Variants in RERE observed in about 807,000 individuals in gnomAD.
RERE encodes the protein arginine-glutamic acid dipeptide repeats protein.
Under a neutral mutation model 146.1 loss-of-function variants are expected in RERE, and 40 were observed. That is an observed-to-expected ratio of 0.27 (90% CI 0.21 to 0.36). The LOEUF (loss-of-function observed/expected upper bound fraction) is 0.36. RERE is among the 10% of genes least tolerant of loss of function. The pLI is 1.00. For missense variants in RERE, 1,933 were observed against 2,138.7 expected (o/e 0.90, Z 1.90); for synonymous variants, 1,003 against 866.0 (o/e 1.16, Z -2.78).
chr1:8,383,528 A>G (rs1438257284), intron 12 of RERE, among the ~76,000 whole-genome samples: 1 of 151,842 alleles, frequency 6.6e-6, no homozygotes, highest in Non-Finnish European at 1.5e-5. Flanking sequence ...CCATCACTCC[A>G]CTCTTAAATG....
Position 8,362,716 on chromosome 1 carries a change from G to A in RERE, c.1869C>T (p.Asp623=), listed in dbSNP as rs1641633646. ...SPSAASTSSN[D]SKAETVKKSA... ...ACTTCTTCACTGTCTCTGCTTTACT[G>A]TCATTGCTGGAGGTACTGGCAGCGC... The change falls in exon 16 of 23, where the codon GAC becomes GAT. Residue 623 remains aspartate (D), a synonymous_variant. Coordinates refer to ENST00000400908, the MANE Select transcript of RERE (RefSeq NM_001042681.2). 13 of 1,614,124 alleles carry A rather than the reference G, an allele frequency of 8.1e-6. No individual in the cohort carries two copies. Among genetic ancestry groups the A allele is most frequent in the Non-Finnish European group, 1.1e-5 (13 of 1,180,056 alleles).
At chr1:8,624,260 G>C (rs956288823) in intron 3 of RERE, 50 bp downstream of exon 3, 3 of 1,392,320 alleles carry the variant, frequency 2.2e-6, no homozygotes, top group Middle Eastern at 2.5e-4. Flanking sequence ...AATGGAACTG[G>C]AAAAAGAGAG....
intron 12 of RERE, among the ~76,000 whole-genome samples, chr1:8,414,852 A>G (rs1167773025): frequency 6.6e-6 from 1 of 152,150 alleles, no homozygotes; most frequent in Non-Finnish European, 1.5e-5. Context: ...ATGACAGGAA[A>G]AAAAAAATCT....
chr1:8,497,645 C>G (rs1645063124), intron 8 of RERE, 116 bp from the exon 9 acceptor site: 1 of 1,089,248 alleles, frequency 9.2e-7, no homozygotes, highest in Admixed American at 2.3e-5. Context: ...TTTCCTTGGA[C>G]AGCAGAAAAA....
intron 1 of RERE, among the ~76,000 whole-genome samples, chr1:8,695,690 G>A (rs928290845): frequency 2.0e-5 from 3 of 151,724 alleles, no homozygotes; most frequent in African/African-American, 4.9e-5. Context: ...AACCTGGGAG[G>A]TGGAGGTTGC....
At chr1:8,394,867 A>T (rs1278815991) in intron 12 of RERE, among the ~76,000 whole-genome samples, 1 of 152,238 alleles carries the variant, frequency 6.6e-6, no homozygotes, top group East Asian at 1.9e-4. Context: ...ATTTCTTAGC[A>T]GGTGATTAAT....
At chr1:8,497,223 C>T (rs1645057544) in intron 9 of RERE, among the ~76,000 whole-genome samples, 182 bp downstream of exon 9, 1 of 152,116 alleles carries the variant, frequency 6.6e-6, no homozygotes, top group Non-Finnish European at 1.5e-5. Context: ...AAAAAAATTA[C>T]TTCAAACTAT....
intron 12 of RERE, among the ~76,000 whole-genome samples, chr1:8,395,978 C>T (rs1321321387): frequency 6.6e-6 from 1 of 152,198 alleles, no homozygotes; most frequent in Non-Finnish European, 1.5e-5. Flanking sequence ...CACCACCCCT[C>T]TCTCTGTGCT....
Position 8,666,790 on chromosome 1 carries a change from T to C in RERE, c.-144-10349A>G, listed in dbSNP as rs181596596. ...CTTTTTATCTGAAAGTTATGTGGTA[T>C]TGAGAGTTTTTCCATGTTTTAAAGT... On this transcript the variant is annotated intron_variant, in intron 1 of 22. Transcript: ENST00000400908. Among the ~76,000 whole-genome samples the C allele has an allele frequency of 4.6e-5, 7 of 152,344 alleles. No homozygotes were observed. The South Asian group carries it at 8.3e-4, about 18-fold the overall frequency.
At chr1:8,460,393 T>C (rs569629199) in intron 11 of RERE, among the ~76,000 whole-genome samples, 2 of 152,180 alleles carry the variant, frequency 1.3e-5, no homozygotes, top group South Asian at 2.1e-4. Context: ...TACAAATATT[T>C]AGAAAATTAC....
At chr1:8,694,516 T>C (rs1350486200) in intron 1 of RERE, among the ~76,000 whole-genome samples, 2 of 152,036 alleles carry the variant, frequency 1.3e-5, no homozygotes, top group South Asian at 2.1e-4. Context: ...ATCCAAGCAC[T>C]TTGGGAGGTT....
chr1:8,379,974 G>A (rs1034487692), intron 12 of RERE, among the ~76,000 whole-genome samples: 6 of 152,150 alleles, frequency 3.9e-5, no homozygotes, highest in African/African-American at 7.2e-5. Context: ...AATCCTGGCC[G>A]CTCCTGTTCT....
chr1:8,365,467 GACATCAAGT>G, intron 13 of RERE, among the ~76,000 whole-genome samples: 1 of 152,292 alleles, frequency 6.6e-6, no homozygotes, highest in Non-Finnish European at 1.5e-5. Context: ...ATTCAAGCAG[GACATCAAGT>G]ACATCATCTG....
rs549585791 is a variant in RERE at position 8,407,614 on chromosome 1, G to T, written c.1284+15113C>A. On this transcript the variant is annotated intron_variant, in intron 12 of 22. Transcript: ENST00000400908. ...CATGACCTGGACAAGACCTGTGAGG[G>T]TGCCATTTTTAGTATCACCGTGCCT... 8.5e-5 allele frequency among the ~76,000 whole-genome samples: 13 copies of T among 152,148 alleles called. No homozygotes were observed. In the South Asian group the frequency reaches 2.7e-3, roughly 32 times the overall value.
chr1:8,733,175 A>AG (rs1016631033), intron 1 of RERE, among the ~76,000 whole-genome samples: 1 of 151,580 alleles, frequency 6.6e-6, no homozygotes, highest in South Asian at 2.1e-4. Context: ...TTTAAAAAAA[A>AG]AGAGAGAGAG....
chr1:8,427,081 C>A (rs1644024688), intron 11 of RERE, among the ~76,000 whole-genome samples: 1 of 152,098 alleles, frequency 6.6e-6, no homozygotes, highest in Admixed American at 6.5e-5. Context: ...GTCTCAAACT[C>A]CTGGCCTCAA....
Position 8,702,554 on chromosome 1 carries a change from G to A in RERE, c.-144-46113C>T, listed in dbSNP as rs528085554. 2.6e-3 allele frequency among the ~76,000 whole-genome samples: 395 copies of A among 152,256 alleles called. 2 individuals carry two copies. Among genetic ancestry groups the A allele is most frequent in the African/African-American group, 9.0e-3 (374 of 41,542 alleles). On this transcript the variant is annotated intron_variant, in intron 1 of 22. Coordinates refer to ENST00000400908, the MANE Select transcript of RERE (RefSeq NM_001042681.2). Reference sequence around the variant, plus strand: ...ACTCTGGCAAAATAACAGTAGTTCGGTCCAAGAAGAAAATTTCATTTGTCA... The same window carrying A: ...ACTCTGGCAAAATAACAGTAGTTCGATCCAAGAAGAAAATTTCATTTGTCA...
chr1:8,721,225 T>C (rs967321310), intron 1 of RERE, among the ~76,000 whole-genome samples: 23 of 152,196 alleles, frequency 1.5e-4, no homozygotes, highest in African/African-American at 5.3e-4. Flanking sequence ...AACGACAGCC[T>C]GGGACTTCCC....
At chr1:8,518,038 C>T (rs545259010) in intron 7 of RERE, among the ~76,000 whole-genome samples, 23 of 152,250 alleles carry the variant, frequency 1.5e-4, no homozygotes, top group Admixed American at 1.2e-3. Flanking sequence ...GAACATGATG[C>T]GGCCACTTCT....
Sources: gnomAD v4.1 joint callset for allele counts (sites outside exome capture counted in the v4.1 genomes callset) on GRCh38, gnomAD v4.1.1 for gene constraint, MANE v1.5 for transcripts, NCBI Gene and HGNC (gene_info 2026-07-23, HGNC 2026-07-21) for gene names.